The following DACH2 variants were observed in gnomAD, a reference collection of about 807,000 sequenced individuals.
The protein encoded by DACH2 is dachshund homolog 2.
In DACH2, 17 loss-of-function variants were observed where a neutral mutation model predicts 35.8. That is an observed-to-expected ratio of 0.48 (90% CI 0.33 to 0.71). The LOEUF is 0.71. DACH2 is among the 30% of genes least tolerant of loss of function. The pLI is 0.02. For missense variants in DACH2, 469 were observed against 472.7 expected (o/e 0.99, Z 0.07); for synonymous variants, 195 against 177.3 (o/e 1.10, Z -0.79).
intron 7 of DACH2, among the ~76,000 whole-genome samples, chrX:86,808,719 A>C (rs1204117992): frequency 9.0e-6 from 1 of 110,900 alleles, no homozygotes; most frequent in African/African-American, 3.3e-5. Flanking sequence ...ATAAAGTATA[A>C]TTTACTTGAT....
chrX:86,543,971 A>C (rs1158470903), intron 3 of DACH2, among the ~76,000 whole-genome samples: 2 of 110,625 alleles, frequency 1.8e-5, no homozygotes, highest in Non-Finnish European at 3.8e-5. Context: ...TGTACCCTAA[A>C]ACTTAAAGTA....
intron 1 of DACH2, among the ~76,000 whole-genome samples, chrX:86,178,263 A>G (rs1158155408): frequency 1.8e-5 from 2 of 111,550 alleles, no homozygotes; most frequent in Non-Finnish European, 3.8e-5. Context: ...GACTTCTCTC[A>G]TGGTGCGTGG....
intron 4 of DACH2, among the ~76,000 whole-genome samples, chrX:86,668,384 C>T (rs1284177990): frequency 1.8e-5 from 2 of 112,076 alleles, no homozygotes; most frequent in Admixed American, 1.9e-4. Context: ...AGCATTTTTA[C>T]ATGTCTATAA....
chrX:86,811,565 T>A (rs748512876), intron 7 of DACH2, among the ~76,000 whole-genome samples: 1 of 111,930 alleles, frequency 8.9e-6, no homozygotes, highest in African/African-American at 3.2e-5. Flanking sequence ...GCATACTTTT[T>A]AAACTTTGCC....
At chrX:86,157,308 C>A (rs1472798662) in intron 1 of DACH2, among the ~76,000 whole-genome samples, 1 of 111,617 alleles carries the variant, frequency 9.0e-6, no homozygotes, top group Non-Finnish European at 1.9e-5. Context: ...AGGTTGCTGG[C>A]AACTACTAGC....
At chrX:86,615,267 T>G (rs892763830) in intron 3 of DACH2, among the ~76,000 whole-genome samples, 1 of 111,837 alleles carries the variant, frequency 8.9e-6, no homozygotes, top group African/African-American at 3.2e-5. Context: ...TGCAAACCTA[T>G]TATGGGTCCA....
intron 1 of DACH2, among the ~76,000 whole-genome samples, chrX:86,149,777 A>AT (rs759014478): frequency 8.9e-6 from 1 of 112,345 alleles, no homozygotes; most frequent in South Asian, 3.7e-4. Flanking sequence ...GATGGATACT[A>AT]TTTTTACAAA....
intron 2 of DACH2, among the ~76,000 whole-genome samples, chrX:86,443,248 A>G (rs2037201161): frequency 9.0e-6 from 1 of 111,664 alleles, no homozygotes; most frequent in Non-Finnish European, 1.9e-5. Flanking sequence ...TCAATATTTT[A>G]TAGTTTTCAG....
intron 1 of DACH2, among the ~76,000 whole-genome samples, chrX:86,235,264 G>C (rs1403218654): frequency 8.9e-6 from 1 of 111,933 alleles, no homozygotes; most frequent in African/African-American, 3.3e-5. Context: ...GTAGAGGCTG[G>C]GCTTTCATAA....
At chrX:86,475,241 T>G (rs1390484476) in intron 2 of DACH2, among the ~76,000 whole-genome samples, 2 of 111,668 alleles carry the variant, frequency 1.8e-5, no homozygotes, top group Non-Finnish European at 3.8e-5. Flanking sequence ...GATATTGGTA[T>G]TTTGATAGGG....
chrX:86,386,954 T>A lies in DACH2; in HGVS notation c.527+10092T>A, dbSNP rs2036131512. On this transcript the variant is annotated intron_variant, in intron 2 of 11. Transcript: ENST00000373125. The stretch of plus-strand genomic sequence containing the variant: ...TCTCCTAAATTTTCCATCATCCTAG[T>A]AATGCACATAAGTCTTATTCTCTCA... Among the ~76,000 whole-genome samples the A allele has an allele frequency of 3.6e-5, 4 of 111,749 alleles. No individual in the cohort carries two copies. The South Asian group carries it at 1.5e-3, about 42-fold the overall frequency.
At chrX:86,287,590 T>G (rs1273357470) in intron 1 of DACH2, among the ~76,000 whole-genome samples, 1 of 111,811 alleles carries the variant, frequency 8.9e-6, no homozygotes, top group Admixed American at 9.6e-5. Context: ...CTTTTTCTTT[T>G]ATCTCTTCTG....
At chrX:86,284,105 G>C in intron 1 of DACH2, among the ~76,000 whole-genome samples, 1 of 110,927 alleles carries the variant, frequency 9.0e-6, no homozygotes, top group Non-Finnish European at 1.9e-5. Context: ...TCTCTTGTCT[G>C]ATTGCTCTAG....
intron 2 of DACH2, among the ~76,000 whole-genome samples, chrX:86,506,808 T>C (rs1371052726): frequency 5.4e-5 from 6 of 111,886 alleles, no homozygotes; most frequent in Non-Finnish European, 9.4e-5. Context: ...GCAGAATTTC[T>C]CTTGCTGTGT....
At chrX:86,588,962 A>G (rs1407507526) in intron 3 of DACH2, among the ~76,000 whole-genome samples, 2 of 111,689 alleles carry the variant, frequency 1.8e-5, no homozygotes, top group Non-Finnish European at 3.8e-5. Flanking sequence ...AAATGTTTAC[A>G]GCTTTTACCC....
Position 86,162,012 on chromosome X carries a change from C to A in DACH2, c.488+12904C>A, listed in dbSNP as rs757109793. Among the ~76,000 whole-genome samples, 4 of 111,884 alleles carry A rather than the reference C, an allele frequency of 3.6e-5. No homozygotes were observed. The South Asian group carries it at 1.5e-3, about 41-fold the overall frequency. ...AGAGCAGCCTAAAGCTTTCATTATT[C>A]TTTACAGTTTTGTCTCATTGAATTG... On this transcript the variant is annotated intron_variant, in intron 1 of 11. Transcript: ENST00000373125.
chrX:86,638,927 G>A (rs1438528734), intron 3 of DACH2, among the ~76,000 whole-genome samples: 1 of 111,722 alleles, frequency 9.0e-6, no homozygotes, highest in Admixed American at 9.5e-5. Flanking sequence ...AAAAGGAAAA[G>A]GAATTATTAT....
chrX:86,386,989 T>A (rs2148114228), intron 2 of DACH2, among the ~76,000 whole-genome samples: 1 of 111,649 alleles, frequency 9.0e-6, no homozygotes, highest in Admixed American at 9.6e-5. Flanking sequence ...ACCATATGAA[T>A]TTGCCCATTA....
At chrX:86,729,162 T>C (rs1046459381) in intron 6 of DACH2, among the ~76,000 whole-genome samples, 26 of 111,582 alleles carry the variant, frequency 2.3e-4, no homozygotes, top group African/African-American at 8.1e-4. Context: ...GCCTCAGGAG[T>C]CCACCACTTG....
Sources: allele counts gnomAD v4.1 joint callset (sites outside exome capture counted in the v4.1 genomes callset), GRCh38; gene constraint gnomAD v4.1.1; transcripts MANE v1.5; gene names NCBI Gene and HGNC (gene_info 2026-07-23, HGNC 2026-07-21).